Variants in AKAP10 observed in about 807,000 individuals in gnomAD.
The protein encoded by AKAP10 is A-kinase anchoring protein 10.
AKAP10 carries 24 observed loss-of-function variants against 80.8 expected under a neutral mutation model. The ratio of observed to expected loss-of-function variants is 0.30; its 90% CI spans 0.22 to 0.42. AKAP10 has a LOEUF of 0.42. AKAP10 is among the 10% of genes least tolerant of loss of function. AKAP10 has a pLI of 1.00. For missense variants in AKAP10, 661 were observed against 794.9 expected (o/e 0.83, Z 2.03); for synonymous variants, 291 against 277.7 (o/e 1.05, Z -0.48).
At chr17:19,929,119 C>T (rs536660646) in intron 10 of AKAP10, among the ~76,000 whole-genome samples, 2 of 152,218 alleles carry the variant, frequency 1.3e-5, no homozygotes, top group East Asian at 1.9e-4. Context: ...ACATAATATA[C>T]GGTTCCATGT....
At chr17:19,970,112 C>T (rs2043475794) in intron 1 of AKAP10, among the ~76,000 whole-genome samples, 1 of 152,228 alleles carries the variant, frequency 6.6e-6, no homozygotes, top group Non-Finnish European at 1.5e-5. Context: ...CACCTACCTG[C>T]CATCTTCCAT....
At chr17:19,957,202 G>A (rs2043287300) in intron 4 of AKAP10, among the ~76,000 whole-genome samples, 1 of 152,112 alleles carries the variant, frequency 6.6e-6, no homozygotes, top group Admixed American at 6.6e-5. Context: ...GTACAACCTA[G>A]AGGAAGTTAC....
At chr17:19,969,812 T>C (rs1471909772) in intron 1 of AKAP10, among the ~76,000 whole-genome samples, 1 of 152,054 alleles carries the variant, frequency 6.6e-6, no homozygotes, top group African/African-American at 2.4e-5. Flanking sequence ...ATGAAAAAAA[T>C]AAATAAGATC....
Position 19,977,635 on chromosome 17 carries a change from G to A in AKAP10, c.45C>T (p.Leu15=). 8.1e-7 allele frequency: 1 copy of A among 1,235,460 alleles called. No homozygotes were observed. Among genetic ancestry groups the A allele is most frequent in the Non-Finnish European group, 1.0e-6 (1 of 988,022 alleles). The allele number at this position is 1,235,460 out of a possible 1,614,324, so 76.5% of individuals were successfully genotyped here. A position where few individuals can be genotyped will look rare whatever the true frequency, so the allele number is the denominator to read the frequency against. ...GPSPRQSPRT[L]RPDPGPAMSF... is the part of the protein sequence containing the mutation. ...ACATGGCGGGGCCCGGGTCGGGACG[G>A]AGGGTGCGGGGGGACTGGCGCGGGG... Residue 15 remains leucine, a synonymous_variant, in exon 1 of 15, where the codon CTC becomes CTT. Coordinates refer to ENST00000225737, the MANE Select transcript of AKAP10 (RefSeq NM_007202.4).
chr17:19,948,674 C>T (rs1219291993), intron 4 of AKAP10, among the ~76,000 whole-genome samples: 2 of 152,110 alleles, frequency 1.3e-5, no homozygotes, highest in Non-Finnish European at 2.9e-5. Context: ...TCTTAGAAGG[C>T]AGAACGTGTC....
intron 2 of AKAP10, 122 bp downstream of exon 2, chr17:19,968,292 G>A: frequency 1.5e-6 from 1 of 655,454 alleles, no homozygotes; most frequent in Non-Finnish European, 2.5e-6. Flanking sequence ...AAAATCATAA[G>A]TAATTATAAA....
chr17:19,915,237 G>T (rs1050677678), intron 12 of AKAP10, among the ~76,000 whole-genome samples: 1 of 152,112 alleles, frequency 6.6e-6, no homozygotes, highest in Non-Finnish European at 1.5e-5. Context: ...TGTGTAACAC[G>T]AATCATCAAG....
intron 1 of AKAP10, among the ~76,000 whole-genome samples, chr17:19,972,199 A>G (rs545844735): frequency 1.4e-4 from 21 of 152,306 alleles, no homozygotes; most frequent in Non-Finnish European, 2.6e-4. Flanking sequence ...CATCCTTGGT[A>G]TTTTTAATTT....
intron 9 of AKAP10, among the ~76,000 whole-genome samples, chr17:19,934,302 A>AT (rs2042969388): frequency 6.6e-6 from 1 of 152,168 alleles, no homozygotes; most frequent in Non-Finnish European, 1.5e-5. Context: ...GTTGACAGTT[A>AT]CTGGTGATAT....
Position 19,962,789 on chromosome 17 carries a change from T to C in AKAP10, c.319+51A>G, listed in dbSNP as rs772822627. The C allele has an allele frequency of 1.3e-6, 2 of 1,550,482 alleles. No homozygotes were observed. The highest frequency in any genetic ancestry group is 8.8e-7 in the Non-Finnish European group (1 of 1,134,058). ...TATCCTATGACAGAAGTTTCACATA[T>C]TGTACTCAAATCCTTCTAATACAAG... On this transcript the variant is annotated intron_variant, in intron 3 of 14. Transcript: ENST00000225737.
At chr17:19,977,562 C>T (rs559582560) in intron 1 of AKAP10, 30 bp downstream of exon 1, 2 of 1,231,842 alleles carry the variant, frequency 1.6e-6, no homozygotes, top group Admixed American at 4.2e-5. Flanking sequence ...GAGGCCCGGC[C>T]TGACTCCCCG....
intron 1 of AKAP10, among the ~76,000 whole-genome samples, chr17:19,975,919 C>T (rs1401737114): frequency 6.6e-6 from 1 of 152,172 alleles, no homozygotes; most frequent in African/African-American, 2.4e-5. Context: ...ATTAGGTATA[C>T]CCCTGCCTTA....
chr17:19,915,267 G>C (rs550274918), intron 12 of AKAP10, among the ~76,000 whole-genome samples: 7 of 152,236 alleles, frequency 4.6e-5, no homozygotes, highest in African/African-American at 1.7e-4. Context: ...GTAACTTCCA[G>C]TTTACAAGAA....
intron 5 of AKAP10, among the ~76,000 whole-genome samples, chr17:19,943,978 G>A (rs755122184): frequency 2.7e-5 from 4 of 150,566 alleles, no homozygotes; most frequent in Non-Finnish European, 5.9e-5. Flanking sequence ...AGTTCAGAAG[G>A]AGAAACTGAG....
At chr17:19,908,513 A>G (rs2042655466) in intron 14 of AKAP10, among the ~76,000 whole-genome samples, 1 of 152,122 alleles carries the variant, frequency 6.6e-6, no homozygotes, top group African/African-American at 2.4e-5. Flanking sequence ...CACCCCACAC[A>G]TATACAGATC....
At chr17:19,969,371 G>C (rs1303134558) in intron 1 of AKAP10, among the ~76,000 whole-genome samples, 2 of 152,096 alleles carry the variant, frequency 1.3e-5, no homozygotes, top group East Asian at 3.9e-4. Flanking sequence ...AGAATAATTT[G>C]TCTGTAAAAT....
chr17:19,929,992 CA>C (rs1271860025), intron 10 of AKAP10, among the ~76,000 whole-genome samples: 3 of 47,666 alleles, frequency 6.3e-5, no homozygotes, highest in Admixed American at 2.4e-4. Flanking sequence ...ATGACAACAA[CA>C]AAAACCAAAA....
At chr17:19,954,629 T>C (rs191865) in intron 4 of AKAP10, among the ~76,000 whole-genome samples, 60,668 of 150,108 alleles carry the variant, frequency 0.4, 12,675 homozygotes, top group African/African-American at 0.5. Flanking sequence ...GGACTACAGG[T>C]GCCCGCCACC....
chr17:19,943,718 T>C (rs1172581451), intron 5 of AKAP10, among the ~76,000 whole-genome samples: 1 of 152,188 alleles, frequency 6.6e-6, no homozygotes, highest in African/African-American at 2.4e-5. Flanking sequence ...GAACTCCAAT[T>C]TATAGAAGGT....
Sources: allele counts gnomAD v4.1 joint callset (sites outside exome capture counted in the v4.1 genomes callset), GRCh38; gene constraint gnomAD v4.1.1; transcripts MANE v1.5; gene names NCBI Gene and HGNC (gene_info 2026-07-23, HGNC 2026-07-21).